SLC16A4: variants seen among roughly 807,000 people sequenced by gnomAD.
SLC16A4 encodes solute carrier family 16 member 4.
In SLC16A4, 39 loss-of-function variants were observed where a neutral mutation model predicts 47.9. The ratio of observed to expected loss-of-function variants is 0.81; its 90% confidence interval spans 0.63 to 1.06. The LOEUF (loss-of-function observed/expected upper bound fraction) is 1.06, where lower values mean the gene tolerates loss of function less well. Ranked by LOEUF, SLC16A4 falls within the 50% of genes least tolerant of loss-of-function variation. The pLI is 0.00. For missense variants in SLC16A4, 524 were observed against 573.8 expected, an observed-to-expected ratio of 0.91 and a Z score of 0.89; for synonymous variants, 189 against 199.9, an observed-to-expected ratio of 0.95 and a Z score of 0.46.
At chr1:110,382,471 T>A (rs971776793) in intron 3 of SLC16A4, among the ~76,000 whole-genome samples, 110 of 151,134 alleles carry the variant, frequency 7.3e-4, no homozygotes, top group African/African-American at 2.2e-3. Flanking sequence ...AAAAAAAAAA[T>A]AAATAAAATT....
Position 110,379,244 on chromosome 1 carries a change from G to T in SLC16A4, c.639C>A (p.Ser213Arg). ...CCTCTGGACCATGTGCAGACAAACT[G>T]CTGCCTTTATCTTTAATACCAGAAT... ...ENNSGIKDKGSSLSAHGPEAH... is the reference protein window; with the variant it reads ...ENNSGIKDKGRSLSAHGPEAH... Residue 213 changes from serine (S) to arginine (R), a missense_variant, in exon 6 of 9, where the codon AGC becomes AGA. Physicochemically the swap from Ser to Arg is moderately radical, Grantham distance 110. Transcript: ENST00000369779. 1 of 1,614,172 alleles carries T rather than the reference G, an allele frequency of 6.2e-7. No individual in the cohort carries two copies. Among genetic ancestry groups the T allele is most frequent in the Non-Finnish European group, 8.5e-7 (1 of 1,180,028 alleles).
At chr1:110,377,848 G>C (rs1662095238) in intron 6 of SLC16A4, among the ~76,000 whole-genome samples, 1 of 151,670 alleles carries the variant, frequency 6.6e-6, no homozygotes. Context: ...ATTATTTTTT[G>C]AAACGGAGTC....
chr1:110,383,707 A>G (rs2101060065), intron 2 of SLC16A4, among the ~76,000 whole-genome samples: 1 of 150,256 alleles, frequency 6.7e-6, no homozygotes, highest in African/African-American at 2.5e-5. Flanking sequence ...CATAATTTCT[A>G]ATCTTATGGC....
intron 2 of SLC16A4, among the ~76,000 whole-genome samples, chr1:110,385,277 G>A (rs1662674426): frequency 6.6e-6 from 1 of 152,186 alleles, no homozygotes; most frequent in African/African-American, 2.4e-5. Flanking sequence ...ACGTCACATG[G>A]GTTAAGCTTC....
intron 8 of SLC16A4, among the ~76,000 whole-genome samples, chr1:110,368,515 A>G (rs1448316170): frequency 6.6e-6 from 1 of 152,202 alleles, no homozygotes; most frequent in Admixed American, 6.5e-5. Context: ...GCATAACTCC[A>G]TCCTGGGTGG....
At position 110,363,542 on chromosome 1, in the gene SLC16A4, C is replaced by G. The variant is rs1356118494; in HGVS notation, c.*224G>C. The G allele has an allele frequency of 6.9e-6, 2 of 287,934 alleles. No individual in the cohort carries two copies. The highest frequency in any genetic ancestry group is 1.3e-5 in the Non-Finnish European group (2 of 156,404). The allele number at this position is 287,934 out of a possible 1,614,324, so 17.8% of individuals were successfully genotyped here. A position where few individuals can be genotyped will look rare whatever the true frequency, so the allele number is the denominator to read the frequency against. Reference sequence around the variant, plus strand: ...TTGGGAGGCTGAGGCAGGAGAATCCCTTGAACCCAGGAGGCGGAGATTACA... The same window carrying G: ...TTGGGAGGCTGAGGCAGGAGAATCCGTTGAACCCAGGAGGCGGAGATTACA... On this transcript the variant is annotated 3_prime_UTR_variant, in exon 9 of 9. Transcript: ENST00000369779.
intron 8 of SLC16A4, among the ~76,000 whole-genome samples, chr1:110,364,884 G>T (rs1247105887): frequency 6.6e-6 from 1 of 151,824 alleles, no homozygotes; most frequent in East Asian, 1.9e-4. Context: ...TAAAACTTAA[G>T]CGAAACACTT....
intron 2 of SLC16A4, 137 bp from the exon 3 acceptor site, chr1:110,383,103 A>G: frequency 1.6e-6 from 1 of 642,178 alleles, no homozygotes; most frequent in Non-Finnish European, 2.5e-6. Flanking sequence ...CTCATTATAC[A>G]TCTTATATTT....
intron 8 of SLC16A4, among the ~76,000 whole-genome samples, chr1:110,374,402 T>C (rs1163020001): frequency 6.6e-6 from 1 of 152,180 alleles, no homozygotes; most frequent in Non-Finnish European, 1.5e-5. Flanking sequence ...TTTTAAAAAA[T>C]GATAGTAGGA....
intron 6 of SLC16A4, 119 bp downstream of exon 6, chr1:110,378,734 C>A: frequency 7.5e-7 from 1 of 1,333,502 alleles, no homozygotes; most frequent in African/African-American, 1.5e-5. Context: ...ATTTTACTTT[C>A]TCTGGCCCTT....
intron 5 of SLC16A4, 57 bp from the exon 6 acceptor site, chr1:110,379,413 TG>T: frequency 6.7e-7 from 1 of 1,503,128 alleles, no homozygotes; most frequent in South Asian, 1.3e-5. Flanking sequence ...AATACTGCTT[TG>T]TGTTCATAGG....
chr1:110,375,669 G>A (rs747852743), intron 7 of SLC16A4, 118 bp from the exon 8 acceptor site: 28 of 591,344 alleles, frequency 4.7e-5, no homozygotes, highest in Middle Eastern at 3.9e-4. Context: ...GACTTCTGGG[G>A]TGAGTTGGTT....
At position 110,376,292 on chromosome 1, in the gene SLC16A4, C is replaced by A. The variant is rs368005975; in HGVS notation, c.1242+658G>T. Among the ~76,000 whole-genome samples the A allele has an allele frequency of 2.6e-4, 39 of 152,300 alleles. No individual in the cohort carries two copies. In the South Asian group the frequency reaches 7.5e-3, roughly 29 times the overall value. ...GGAAGCTTGATTTTTGCCTGCACTT[C>A]ATATAATATCCTGTAGCACTTACGC... On this transcript the variant is annotated intron_variant, in intron 7 of 8. Coordinates refer to ENST00000369779, the MANE Select transcript of SLC16A4 (RefSeq NM_004696.3).
At chr1:110,379,587 ATGG>A (rs1288270925) in intron 5 of SLC16A4, among the ~76,000 whole-genome samples, 1 of 150,000 alleles carries the variant, frequency 6.7e-6, no homozygotes, top group African/African-American at 2.4e-5. Context: ...AAAAGGAGAG[ATGG>A]TGGTTATTTG....
intron 8 of SLC16A4, among the ~76,000 whole-genome samples, chr1:110,368,116 C>A (rs1661494748): frequency 6.6e-6 from 1 of 152,236 alleles, no homozygotes; most frequent in Non-Finnish European, 1.5e-5. Context: ...GCGTGAGCCA[C>A]TGCGCCCAGC....
rs1046462128 is a variant in SLC16A4 at position 110,363,711 on chromosome 1, C to T, written c.*55G>A. 7 of 1,478,224 alleles carry T rather than the reference C, an allele frequency of 4.7e-6. No individual in the cohort carries two copies. The African/African-American group carries it at 8.7e-5, about 18-fold the overall frequency. The allele number at this position is 1,478,224 out of a possible 1,614,324, so 91.6% of individuals were successfully genotyped here. A position where few individuals can be genotyped will look rare whatever the true frequency, so the allele number is the denominator to read the frequency against. ...TCTTTCAAGCTTTTGTTTCCAATGA[C>T]ATTAGTTTAGGTTTTCTTTTGTTTA... On this transcript the variant is annotated 3_prime_UTR_variant, in exon 9 of 9. Coordinates refer to ENST00000369779, the MANE Select transcript of SLC16A4 (RefSeq NM_004696.3).
chr1:110,382,110 C>T (rs1382764461), intron 3 of SLC16A4, among the ~76,000 whole-genome samples: 2 of 152,164 alleles, frequency 1.3e-5, no homozygotes, highest in Non-Finnish European at 2.9e-5. Flanking sequence ...AAGGTTGAAT[C>T]ACTTATCTGC....
rs1414359028 is a variant in SLC16A4 at position 110,381,663 on chromosome 1, C to T, written c.353G>A (p.Gly118Glu). 2 of 1,612,364 alleles carry T rather than the reference C, an allele frequency of 1.2e-6. No homozygotes were observed. Among genetic ancestry groups the T allele is most frequent in the Non-Finnish European group, 1.7e-6 (2 of 1,179,650 alleles). ...TACAATGGACTCACCGGGTAGAAGTCCCATAGTCACACAAAGAAAAGGAAT... is the reference window on the plus strand; with the variant it reads ...TACAATGGACTCACCGGGTAGAAGTTCCATAGTCACACAAAGAAAAGGAAT... ...TSIPFLCVTM[G>E]LLPGLGSAFL... The change falls in exon 4 of 9, where the codon GGA (glycine) becomes GAA (glutamate). Residue 118 changes from glycine to glutamate, a missense_variant. Physicochemically the swap from Gly to Glu is moderately conservative, Grantham distance 98 (BLOSUM62 -2). Transcript: ENST00000369779.
chr1:110,376,316 G>A (rs759933708), intron 7 of SLC16A4, among the ~76,000 whole-genome samples: 3 of 152,138 alleles, frequency 2.0e-5, no homozygotes, highest in Admixed American at 6.5e-5. Context: ...TAGCACTTAC[G>A]CTAATATTGA....
Sources: gnomAD v4.1 joint callset for allele counts (sites outside exome capture counted in the v4.1 genomes callset) on GRCh38, gnomAD v4.1.1 for gene constraint, MANE v1.5 for transcripts, NCBI Gene and HGNC (gene_info 2026-07-23, HGNC 2026-07-21) for gene names.